Variants in FBXO16 observed in about 807,000 individuals in gnomAD.
The protein encoded by FBXO16 is F-box protein 16.
FBXO16 carries 31 observed loss-of-function variants against 41.0 expected under a neutral mutation model. That is an observed-to-expected ratio of 0.76 (90% confidence interval 0.57 to 1.02). The LOEUF (loss-of-function observed/expected upper bound fraction) is 1.02. FBXO16 is among the 50% of genes least tolerant of loss of function. FBXO16 has a pLI of 0.00. For missense variants in FBXO16, 361 were observed against 346.2 expected, an observed-to-expected ratio of 1.04 and a Z score of -0.34; for synonymous variants, 133 against 117.8, an observed-to-expected ratio of 1.13 and a Z score of -0.84.
At chr8:28,474,664 A>ATG (rs1456635567) in intron 2 of FBXO16, among the ~76,000 whole-genome samples, 4 of 152,128 alleles carry the variant, frequency 2.6e-5, no homozygotes, top group Non-Finnish European at 4.4e-5. Context: ...AGGATTAGAA[A>ATG]TGTGTGTGTG....
intron 5 of FBXO16, among the ~76,000 whole-genome samples, chr8:28,455,242 ATT>A (rs55790277): frequency 0.42 from 60,521 of 144,618 alleles, 12,833 homozygotes; most frequent in East Asian, 0.55. Context: ...TGCTCAGCTA[ATT>A]TTTTTTTTTT....
At chr8:28,444,581 C>T (rs556208114) in intron 7 of FBXO16, among the ~76,000 whole-genome samples, 22 of 150,328 alleles carry the variant, frequency 1.5e-4, no homozygotes, top group Non-Finnish European at 3.1e-4. Flanking sequence ...GGGTTCACGC[C>T]ATTCTCCTGC....
intron 7 of FBXO16, among the ~76,000 whole-genome samples, chr8:28,444,299 CTT>C (rs1414997873): frequency 7.1e-6 from 1 of 140,358 alleles, no homozygotes; most frequent in East Asian, 2.1e-4. Context: ...TCCAATATTT[CTT>C]CTTTTTTTTT....
chr8:28,487,053 T>C (rs1022378882), intron 1 of FBXO16, among the ~76,000 whole-genome samples: 3 of 152,072 alleles, frequency 2.0e-5, no homozygotes, highest in Admixed American at 1.3e-4. Context: ...CACATCCTTC[T>C]GAATGAGGAG....
rs771679568 is a variant in FBXO16, at chr8:28,460,225, G to GTATA, written c.343-3299_343-3296dup. Among the ~76,000 whole-genome samples, 536 of 75,166 alleles carry GTATA rather than the reference G, an allele frequency of 7.1e-3. 19 individuals carry two copies. The highest frequency in any genetic ancestry group is 0.031 in the Middle Eastern group (3 of 98). The allele number at this position is 75,166 out of a possible 152,430, so 49.3% of individuals were successfully genotyped here. ...TACAGTAACAAATATATATGTGTGTGTATATATATATATATATATATTTTT... is the reference window on the plus strand; with the variant it reads ...TACAGTAACAAATATATATGTGTGTGTATATATATATATATATATATATATTTTT... On this transcript the variant is annotated intron_variant, in intron 4 of 8. Coordinates refer to ENST00000380254, the MANE Select transcript of FBXO16 (RefSeq NM_172366.4).
At chr8:28,463,164 GTGTGTTTGTGTGTGTATA>G (rs1250769843) in intron 4 of FBXO16, among the ~76,000 whole-genome samples, 2 of 151,898 alleles carry the variant, frequency 1.3e-5, no homozygotes, top group East Asian at 1.9e-4. Context: ...GTGTGTGTAT[GTGTGTTTGTGTGTGTATA>G]TGTGTGTATG....
intron 2 of FBXO16, among the ~76,000 whole-genome samples, chr8:28,477,201 T>A (rs1385555008): frequency 2.6e-5 from 4 of 152,162 alleles, no homozygotes; most frequent in Non-Finnish European, 5.9e-5. Flanking sequence ...CTTATTTTAG[T>A]CTAAGATAGT....
In FBXO16 at chr8:28,460,423, A is replaced by ATT. The variant is rs1174276709; in HGVS notation, c.342+3187_342+3188dup. Among the ~76,000 whole-genome samples, 38 of 82,496 alleles carry ATT rather than the reference A, an allele frequency of 4.6e-4. 2 individuals are homozygous for ATT. The East Asian group carries it at 8.8e-3, about 19-fold the overall frequency. The allele number at this position is 82,496 out of a possible 152,430, so 54.1% of individuals were successfully genotyped here. On this transcript the variant is annotated intron_variant, in intron 4 of 8. Coordinates refer to ENST00000380254, the MANE Select transcript of FBXO16 (RefSeq NM_172366.4). ...TAGGCACATGCGCTATACCTGGCTA[A>ATT]TTTTTTTTTTTTTTTTTTTTTTGAG...
Position 28,447,237 on chromosome 8 carries a change from G to T in FBXO16, c.777C>A (p.Ser259Arg). The change falls in exon 7 of 9, where the codon AGC becomes AGA. Residue 259 changes from serine to arginine, a missense_variant. By Grantham distance (110) the Ser-to-Arg change is moderately radical (BLOSUM62 -1). Transcript: ENST00000380254. ...RKRNQMTPDF[S>R]RQSHDKKNKL... is the part of the protein sequence containing the mutation. ...TATTTTTCTTATCATGTGACTGTCG[G>T]CTGAAGTCTGGGGTCATTTGGTTTC... 6.2e-7 allele frequency: 1 copy of T among 1,613,672 alleles called. No homozygotes were observed. Among genetic ancestry groups the T allele is most frequent in the Non-Finnish European group, 8.5e-7 (1 of 1,179,962 alleles).
At chr8:28,449,988 A>G (rs1802927205) in intron 6 of FBXO16, among the ~76,000 whole-genome samples, 2 of 151,734 alleles carry the variant, frequency 1.3e-5, no homozygotes, top group Admixed American at 6.6e-5. Context: ...AAGAAAAAAA[A>G]AAAAAAAGAA....
chr8:28,460,086 C>T (rs1438715217), intron 4 of FBXO16, among the ~76,000 whole-genome samples: 1 of 151,180 alleles, frequency 6.6e-6, no homozygotes, highest in Non-Finnish European at 1.5e-5. Context: ...ATACCAAATT[C>T]AAAGAAACAA....
intron 2 of FBXO16, among the ~76,000 whole-genome samples, chr8:28,481,839 C>G (rs1322679567): frequency 6.6e-6 from 1 of 151,292 alleles, no homozygotes; most frequent in Non-Finnish European, 1.5e-5. Flanking sequence ...AATGCAAGGC[C>G]CTGAGCATTC....
intron 2 of FBXO16, among the ~76,000 whole-genome samples, chr8:28,480,308 A>G (rs957628180): frequency 2.0e-5 from 3 of 152,104 alleles, no homozygotes; most frequent in African/African-American, 4.8e-5. Context: ...AATAGAAGGT[A>G]CTGAGCAGGA....
intron 7 of FBXO16, among the ~76,000 whole-genome samples, chr8:28,441,767 T>C (rs1235625792): frequency 2.7e-5 from 4 of 148,984 alleles, no homozygotes; most frequent in Non-Finnish European, 5.9e-5. Context: ...AAAAAAATAT[T>C]GTATGTCTTT....
intron 4 of FBXO16, among the ~76,000 whole-genome samples, chr8:28,457,308 G>C (rs1188392908): frequency 6.6e-6 from 1 of 152,164 alleles, no homozygotes; most frequent in Non-Finnish European, 1.5e-5. Context: ...TCATATAAAA[G>C]TTGTATAAGG....
At chr8:28,448,030 TGTGAACTGATCAAAA>T (rs779392942) in intron 6 of FBXO16, among the ~76,000 whole-genome samples, 1 of 151,964 alleles carries the variant, frequency 6.6e-6, no homozygotes, top group Non-Finnish European at 1.5e-5. Flanking sequence ...AGGATTCCCA[TGTGAACTGATCAAAA>T]ACAGGGAATG....
chr8:28,460,423 A>ATTTTTTTTTTTT lies in FBXO16; in HGVS notation c.342+3177_342+3188dup, dbSNP rs1174276709. On this transcript the variant is annotated intron_variant, in intron 4 of 8. Transcript: ENST00000380254. Reference sequence around the variant, plus strand: ...TAGGCACATGCGCTATACCTGGCTAATTTTTTTTTTTTTTTTTTTTTTGAG... The same window carrying ATTTTTTTTTTTT: ...TAGGCACATGCGCTATACCTGGCTAATTTTTTTTTTTTTTTTTTTTTTTTTTTTTTTTTTGAG... Among the ~76,000 whole-genome samples the ATTTTTTTTTTTT allele has an allele frequency of 1.3e-3, 105 of 82,494 alleles. 20 individuals carry two copies. Among genetic ancestry groups the ATTTTTTTTTTTT allele is most frequent in the African/African-American group, 5.3e-3 (84 of 15,904 alleles). The allele number at this position is 82,494 out of a possible 152,430, so 54.1% of individuals were successfully genotyped here.
chr8:28,474,959 G>A (rs1479495662), intron 2 of FBXO16, among the ~76,000 whole-genome samples: 5 of 152,208 alleles, frequency 3.3e-5, no homozygotes, highest in African/African-American at 9.6e-5. Flanking sequence ...GAAGACTAAC[G>A]TGGGGACACG....
intron 3 of FBXO16, among the ~76,000 whole-genome samples, chr8:28,471,957 A>C (rs894311258): frequency 5.9e-5 from 9 of 152,290 alleles, no homozygotes; most frequent in Non-Finnish European, 1.2e-4. Flanking sequence ...GTTAGGTAAA[A>C]ACATAACATT....
Sources: allele counts gnomAD v4.1 joint callset (sites outside exome capture counted in the v4.1 genomes callset), GRCh38; gene constraint gnomAD v4.1.1; transcripts MANE v1.5; gene names NCBI Gene and HGNC (gene_info 2026-07-23, HGNC 2026-07-21).